Variants in ZBTB7C observed in about 807,000 individuals in gnomAD.
ZBTB7C encodes the protein zinc finger and BTB domain containing 7C, also known as zinc finger and BTB domain-containing protein 7C.
A neutral mutation model predicts 25.7 loss-of-function variants in ZBTB7C; 8 were observed. That is an observed-to-expected ratio of 0.31 (90% CI 0.18 to 0.56). ZBTB7C has a LOEUF of 0.56. Ranked by LOEUF, ZBTB7C falls within the 20% of genes least tolerant of loss-of-function variation. The pLI is 0.91. For synonymous variants in ZBTB7C, 394 were observed against 369.0 expected, an observed-to-expected ratio of 1.07 and a Z score of -0.78; for missense variants, 824 against 855.2, an observed-to-expected ratio of 0.96 and a Z score of 0.46.
At chr18:48,057,963 A>G (rs1317192735) in intron 3 of ZBTB7C, among the ~76,000 whole-genome samples, 1 of 152,194 alleles carries the variant, frequency 6.6e-6, no homozygotes, top group African/African-American at 2.4e-5. Context: ...GTGGCCACAT[A>G]GGCAAGCTGT....
At chr18:48,133,166 T>G (rs1195669979) in intron 3 of ZBTB7C, among the ~76,000 whole-genome samples, 1 of 152,218 alleles carries the variant, frequency 6.6e-6, no homozygotes, top group African/African-American at 2.4e-5. Context: ...CTGTGTTCCA[T>G]GCACACACAA....
chr18:48,404,720 C>A (rs552879443), intron 1 of ZBTB7C, among the ~76,000 whole-genome samples: 1 of 152,366 alleles, frequency 6.6e-6, no homozygotes, highest in South Asian at 2.1e-4. Context: ...GCCTTCCCAA[C>A]ATCCCCTTCA....
At chr18:48,265,083 T>C (rs2144535217) in intron 2 of ZBTB7C, among the ~76,000 whole-genome samples, 1 of 152,280 alleles carries the variant, frequency 6.6e-6, no homozygotes. Flanking sequence ...CTGAAAAGCC[T>C]GGTTTTAGCA....
chr18:48,134,369 C>G (rs1305407776), intron 3 of ZBTB7C, among the ~76,000 whole-genome samples: 1 of 152,182 alleles, frequency 6.6e-6, no homozygotes, highest in Non-Finnish European at 1.5e-5. Context: ...CCATCCAACA[C>G]CATTCTATTA....
intron 2 of ZBTB7C, among the ~76,000 whole-genome samples, chr18:48,202,830 A>C (rs906209280): frequency 1.3e-5 from 2 of 152,042 alleles, no homozygotes; most frequent in African/African-American, 4.8e-5. Context: ...CCATGTAGCC[A>C]GGAGTCCCAT....
chr18:48,351,905 A>G (rs1359288652), intron 1 of ZBTB7C, among the ~76,000 whole-genome samples: 4 of 152,258 alleles, frequency 2.6e-5, no homozygotes, highest in Admixed American at 2.0e-4. Flanking sequence ...GCTGGAGCAG[A>G]CAGAGGGGAG....
chr18:48,092,671 C>A (rs1481942593), intron 3 of ZBTB7C, among the ~76,000 whole-genome samples: 1 of 152,140 alleles, frequency 6.6e-6, no homozygotes, highest in Non-Finnish European at 1.5e-5. Context: ...ATGGTTTACG[C>A]CAGAAGAATA....
intron 3 of ZBTB7C, among the ~76,000 whole-genome samples, chr18:48,111,608 G>A (rs1598898508): frequency 6.6e-6 from 1 of 152,076 alleles, no homozygotes; most frequent in South Asian, 2.1e-4. Flanking sequence ...AGGTGTGGGA[G>A]GCATGCTCTG....
intron 1 of ZBTB7C, among the ~76,000 whole-genome samples, chr18:48,379,771 C>T (rs575725745): frequency 1.3e-5 from 2 of 152,200 alleles, no homozygotes; most frequent in East Asian, 1.9e-4. Context: ...ACTCTTAAAA[C>T]TCAACAATAA....
chr18:48,134,590 C>G (rs1231184722), intron 3 of ZBTB7C, among the ~76,000 whole-genome samples: 2 of 152,166 alleles, frequency 1.3e-5, no homozygotes, highest in African/African-American at 2.4e-5. Context: ...TGAGTGTAGA[C>G]AAGCTTCCCT....
intron 2 of ZBTB7C, among the ~76,000 whole-genome samples, chr18:48,302,602 A>T (rs1481160241): frequency 6.6e-6 from 1 of 152,236 alleles, no homozygotes; most frequent in Non-Finnish European, 1.5e-5. Context: ...AGAGCTAGCT[A>T]AGTCAGGCCG....
chr18:48,384,180 C>G (rs546953931), intron 1 of ZBTB7C, among the ~76,000 whole-genome samples: 1 of 152,224 alleles, frequency 6.6e-6, no homozygotes, highest in Non-Finnish European at 1.5e-5. Flanking sequence ...GCTTGAGCAA[C>G]GGTCAGCTTT....
chr18:48,316,468 C>A (rs575537117), intron 2 of ZBTB7C, among the ~76,000 whole-genome samples: 1 of 152,224 alleles, frequency 6.6e-6, no homozygotes, highest in African/African-American at 2.4e-5. Context: ...TCAAACCTTA[C>A]GTTGAAATGT....
chr18:48,267,788 A>G (rs2044355726), intron 2 of ZBTB7C, among the ~76,000 whole-genome samples: 1 of 152,196 alleles, frequency 6.6e-6, no homozygotes, highest in African/African-American at 2.4e-5. Context: ...CCACGTGAGA[A>G]CACAGCAATA....
chr18:48,234,580 C>A (rs539292179), intron 2 of ZBTB7C, among the ~76,000 whole-genome samples: 6 of 152,270 alleles, frequency 3.9e-5, no homozygotes, highest in African/African-American at 1.2e-4. Flanking sequence ...GAACTCTTTC[C>A]ACATCTTGCT....
chr18:48,030,881 G>A lies in ZBTB7C; in HGVS notation c.1209-970C>T, dbSNP rs189820930. Among the ~76,000 whole-genome samples, 424 of 152,326 alleles carry A rather than the reference G, an allele frequency of 2.8e-3. 6 individuals carry two copies. The highest frequency in any genetic ancestry group is 8.8e-3 in the African/African-American group (366 of 41,562). On this transcript the variant is annotated intron_variant, in intron 4 of 4. Coordinates refer to ENST00000590800, the MANE Select transcript of ZBTB7C (RefSeq NM_001318841.2). ...AGGGGGTTGTTTTCATAAACACTGAGCATTGGGTAAACCAGCTTAAGGTGG... is the reference window on the plus strand; with the variant it reads ...AGGGGGTTGTTTTCATAAACACTGAACATTGGGTAAACCAGCTTAAGGTGG...
intron 1 of ZBTB7C, among the ~76,000 whole-genome samples, chr18:48,389,819 G>T (rs1011775905): frequency 6.6e-6 from 1 of 152,166 alleles, no homozygotes; most frequent in Non-Finnish European, 1.5e-5. Context: ...CCGGTACAGT[G>T]CCTGGCACGA....
chr18:48,367,198 T>TACAC (rs1457388698), intron 1 of ZBTB7C, among the ~76,000 whole-genome samples: 10 of 60,966 alleles, frequency 1.6e-4, no homozygotes, highest in African/African-American at 5.2e-4. Context: ...TATATATATA[T>TACAC]ATATACACAC....
intron 2 of ZBTB7C, among the ~76,000 whole-genome samples, chr18:48,223,489 G>C (rs1021977750): frequency 6.6e-6 from 1 of 152,182 alleles, no homozygotes; most frequent in Non-Finnish European, 1.5e-5. Flanking sequence ...GGTTGCAAAG[G>C]GGGAAGCTTA....
Sources: allele counts gnomAD v4.1 joint callset (sites outside exome capture counted in the v4.1 genomes callset), GRCh38; gene constraint gnomAD v4.1.1; transcripts MANE v1.5; gene names NCBI Gene and HGNC (gene_info 2026-07-23, HGNC 2026-07-21).